ALK: variants seen among roughly 807,000 people sequenced by gnomAD.
ALK encodes the protein ALK tyrosine kinase receptor.
In ALK, 74 loss-of-function variants were observed where a neutral mutation model predicts 163.1. The ratio of observed to expected loss-of-function variants is 0.45; its 90% CI spans 0.38 to 0.55. The LOEUF (loss-of-function observed/expected upper bound fraction) is 0.55, where lower values mean the gene tolerates loss of function less well. Ranked by LOEUF, ALK falls within the 20% of genes least tolerant of loss-of-function variation. ALK has a pLI of 0.00. For synonymous variants in ALK, 960 were observed against 843.2 expected (o/e 1.14, Z -2.40); for missense variants, 2,063 against 2,105.3 (o/e 0.98, Z 0.39).
At chr2:29,233,465 G>C in intron 14 of ALK, 100 bp downstream of exon 14, 2 of 1,552,886 alleles carry the variant, frequency 1.3e-6, no homozygotes, top group Non-Finnish European at 1.8e-6. Context: ...TTTACACGGG[G>C]ATAAGAGCAT....
At chr2:29,400,753 T>TCAG (rs1669423966) in intron 4 of ALK, among the ~76,000 whole-genome samples, 2 of 152,036 alleles carry the variant, frequency 1.3e-5, no homozygotes, top group Non-Finnish European at 2.9e-5. Flanking sequence ...GATCGGCAGA[T>TCAG]CATCTGAGGT....
At chr2:29,480,790 TAA>T (rs11289018) in intron 4 of ALK, among the ~76,000 whole-genome samples, 30,601 of 75,544 alleles carry the variant, frequency 0.41, 5,024 homozygotes, top group Non-Finnish European at 0.45. Flanking sequence ...ACAGACATCT[TAA>T]AAAAAAAAAA....
intron 1 of ALK, among the ~76,000 whole-genome samples, chr2:29,880,974 G>A (rs1558531460): frequency 1.3e-5 from 2 of 152,214 alleles, no homozygotes; most frequent in Non-Finnish European, 2.9e-5. Context: ...GCCCCGGACA[G>A]AGAAAGGAGC....
chr2:29,331,113 A>T (rs940457991), intron 5 of ALK, among the ~76,000 whole-genome samples: 3 of 152,128 alleles, frequency 2.0e-5, no homozygotes, highest in African/African-American at 7.2e-5. Context: ...TCAGTGCTCT[A>T]ATTTGTTTTT....
rs149072764 is a variant in ALK, at chr2:29,292,225, T to C, written c.1817+4663A>G. On this transcript the variant is annotated intron_variant, in intron 9 of 28. Coordinates refer to ENST00000389048, the MANE Select transcript of ALK (RefSeq NM_004304.5). Reference sequence around the variant, plus strand: ...GGTGTGATAAGTTGTGTACTTTATATTTGACTGTACAATTGCAGTGATTTG... The same window carrying C: ...GGTGTGATAAGTTGTGTACTTTATACTTGACTGTACAATTGCAGTGATTTG... 5.5e-3 allele frequency among the ~76,000 whole-genome samples: 839 copies of C among 152,348 alleles called. 10 individuals carry two copies. The highest frequency in any genetic ancestry group is 0.019 in the African/African-American group (793 of 41,580).
chr2:29,616,223 G>A (rs1396101883), intron 3 of ALK, among the ~76,000 whole-genome samples: 5 of 152,202 alleles, frequency 3.3e-5, no homozygotes, highest in African/African-American at 9.7e-5. Context: ...CGGGAAAGAG[G>A]TGGCCTGTGA....
At chr2:29,708,863 C>A (rs997263981) in intron 2 of ALK, among the ~76,000 whole-genome samples, 2 of 152,300 alleles carry the variant, frequency 1.3e-5, no homozygotes, top group African/African-American at 2.4e-5. Context: ...TGACAGCTCA[C>A]AATTTCTATG....
chr2:29,683,522 G>A (rs1219596216), intron 3 of ALK, among the ~76,000 whole-genome samples: 2 of 152,194 alleles, frequency 1.3e-5, no homozygotes, highest in Admixed American at 6.5e-5. Flanking sequence ...CCTTTGCTAT[G>A]CAGGTTAAAG....
At chr2:29,717,171 CAAAAAAAA>C (rs754615995) in intron 2 of ALK, among the ~76,000 whole-genome samples, 2 of 70,580 alleles carry the variant, frequency 2.8e-5, no homozygotes, top group South Asian at 6.8e-4. Context: ...GACTCTGTCT[CAAAAAAAA>C]AAAAAAAAAA....
At chr2:29,493,745 A>G (rs979462030) in intron 4 of ALK, among the ~76,000 whole-genome samples, 4 of 152,174 alleles carry the variant, frequency 2.6e-5, no homozygotes, top group Non-Finnish European at 5.9e-5. Flanking sequence ...CCCTCTGTCA[A>G]TGTTAGTTCC....
At chr2:29,756,298 G>A (rs1002006394) in intron 1 of ALK, among the ~76,000 whole-genome samples, 2 of 152,156 alleles carry the variant, frequency 1.3e-5, no homozygotes, top group Admixed American at 6.5e-5. Context: ...CAGGACTTTT[G>A]TTAACAACTC....
In ALK at chr2:29,527,423, T is replaced by A. The variant is rs559757931; in HGVS notation, c.1154+4492A>T. 6.6e-5 allele frequency among the ~76,000 whole-genome samples: 10 copies of A among 152,292 alleles called. No individual in the cohort carries two copies. The South Asian group carries it at 2.1e-3, about 32-fold the overall frequency. On this transcript the variant is annotated intron_variant, in intron 4 of 28. Transcript: ENST00000389048. Reference sequence around the variant, plus strand: ...GGCAGTGAGTTTGAGGGTTTCCTGATGCAGCTGGGCAGCTGGGAAACAGAC... The same window carrying A: ...GGCAGTGAGTTTGAGGGTTTCCTGAAGCAGCTGGGCAGCTGGGAAACAGAC...
intron 4 of ALK, among the ~76,000 whole-genome samples, chr2:29,442,208 T>G (rs969821184): frequency 6.6e-6 from 1 of 152,090 alleles, no homozygotes; most frequent in Non-Finnish European, 1.5e-5. Context: ...GTTGGGAGAA[T>G]GCACTGAATC....
chr2:29,251,281 G>A lies in ALK; in HGVS notation c.2042-14C>T, dbSNP rs1339618822. 1.2e-6 allele frequency: 2 copies of A among 1,611,694 alleles called. No homozygotes were observed. Among genetic ancestry groups the A allele is most frequent in the Non-Finnish European group, 1.7e-6 (2 of 1,179,194 alleles). Reference sequence around the variant, plus strand: ...ACAGCCAATGAACTGTGGCACAAGAGGAGAGGCAGTCACTCATGTGGCCAG... The same window carrying A: ...ACAGCCAATGAACTGTGGCACAAGAAGAGAGGCAGTCACTCATGTGGCCAG... On this transcript the variant is annotated splice_polypyrimidine_tract_variant and intron_variant, in intron 11 of 28. Coordinates refer to ENST00000389048, the MANE Select transcript of ALK (RefSeq NM_004304.5).
intron 4 of ALK, among the ~76,000 whole-genome samples, chr2:29,386,917 C>T (rs1669045201): frequency 1.3e-5 from 2 of 152,226 alleles, no homozygotes; most frequent in East Asian, 3.8e-4. Context: ...CCTCCATTTT[C>T]TTTGCTTACA....
chr2:29,757,355 C>T (rs2541184), intron 1 of ALK, among the ~76,000 whole-genome samples: 134,695 of 152,092 alleles, frequency 0.89, 59,805 homozygotes, highest in Non-Finnish European at 0.91. Context: ...TTGACAAAGC[C>T]GAGGCATGGA....
At position 29,351,020 on chromosome 2, in the gene ALK, A is replaced by G. The variant is rs114389662; in HGVS notation, c.1283-22539T>C. 2.2e-3 allele frequency among the ~76,000 whole-genome samples: 341 copies of G among 152,310 alleles called. 1 individual carries two copies. The highest frequency in any genetic ancestry group is 7.8e-3 in the African/African-American group (326 of 41,578). On this transcript the variant is annotated intron_variant, in intron 5 of 28. Transcript: ENST00000389048. The stretch of plus-strand genomic sequence containing the variant: ...TTACTCTTGGAGATTCATATTGTAC[A>G]TTAGCAAATTAAAGGCTCTGAGAAA...
intron 3 of ALK, among the ~76,000 whole-genome samples, chr2:29,538,738 T>C (rs1673330289): frequency 6.6e-6 from 1 of 152,198 alleles, no homozygotes. Context: ...AAATTTTTTT[T>C]TAAGGATTTC....
At chr2:29,873,590 C>T (rs1666631008) in intron 1 of ALK, among the ~76,000 whole-genome samples, 1 of 151,970 alleles carries the variant, frequency 6.6e-6, no homozygotes, top group South Asian at 2.1e-4. Context: ...AGAAATATGC[C>T]CAGAGACAGA....
Sources: allele counts gnomAD v4.1 joint callset (sites outside exome capture counted in the v4.1 genomes callset), GRCh38; gene constraint gnomAD v4.1.1; transcripts MANE v1.5; gene names NCBI Gene and HGNC (gene_info 2026-07-23, HGNC 2026-07-21).